The following NT5C3A variants were observed in gnomAD, a reference collection of about 807,000 sequenced individuals.
The protein encoded by NT5C3A is 5'-nucleotidase, cytosolic IIIA, also known as cytosolic 5'-nucleotidase 3A.
In NT5C3A, 23 loss-of-function variants were observed where a neutral mutation model predicts 40.0. The ratio of observed to expected loss-of-function variants is 0.58; its 90% CI spans 0.41 to 0.81. The LOEUF is 0.81. Ranked by LOEUF, NT5C3A falls within the 40% of genes least tolerant of loss-of-function variation. The probability of loss-of-function intolerance (pLI) is 0.00; values close to 1 mark genes in which losing one functional copy is unlikely to be tolerated. For missense variants in NT5C3A, 328 were observed against 403.0 expected (o/e 0.81, Z 1.59); for synonymous variants, 130 against 141.4 (o/e 0.92, Z 0.57).
chr7:33,048,682 G>C (rs1787250150), intron 1 of NT5C3A, among the ~76,000 whole-genome samples: 1 of 152,134 alleles, frequency 6.6e-6, no homozygotes, highest in African/African-American at 2.4e-5. Flanking sequence ...AGACCCCCGG[G>C]TCACTTTAAT....
intron 1 of NT5C3A, among the ~76,000 whole-genome samples, chr7:33,056,945 G>A (rs962571919): frequency 3.3e-5 from 5 of 151,992 alleles, no homozygotes; most frequent in Non-Finnish European, 7.4e-5. Context: ...CCGAGTAGCT[G>A]GGATTACAGG....
intron 7 of NT5C3A, among the ~76,000 whole-genome samples, chr7:33,016,173 C>T (rs1002041333): frequency 1.3e-5 from 2 of 150,366 alleles, no homozygotes; most frequent in Admixed American, 6.6e-5. Flanking sequence ...GTCAGGAGTT[C>T]GAGACCAGAC....
Position 33,061,506 on chromosome 7 carries a change from C to A in NT5C3A, c.138+1062G>T, listed in dbSNP as rs183183150. Among the ~76,000 whole-genome samples the A allele has an allele frequency of 3.7e-3, 566 of 152,254 alleles. 1 individual carries two copies. The highest frequency in any genetic ancestry group is 6.8e-3 in the Non-Finnish European group (461 of 68,014). On this transcript the variant is annotated intron_variant, in intron 1 of 8. Coordinates refer to ENST00000610140, the MANE Select transcript of NT5C3A (RefSeq NM_001002010.5). ...CAGACTCCAGTGATCTTCCTCTCAG[C>A]CTCCCAAATAGCTGGGACACTGGCT... is the stretch of plus-strand genomic sequence containing the variant.
intron 5 of NT5C3A, among the ~76,000 whole-genome samples, chr7:33,019,945 C>T (rs1196209088): frequency 6.6e-6 from 1 of 152,154 alleles, no homozygotes; most frequent in East Asian, 1.9e-4. Context: ...CCAGACTTAG[C>T]TTAAATATGT....
intron 2 of NT5C3A, among the ~76,000 whole-genome samples, chr7:33,024,430 T>C (rs1785805237): frequency 1.3e-5 from 2 of 151,914 alleles, no homozygotes; most frequent in Admixed American, 6.6e-5. Context: ...GAGGTCATTA[T>C]CTTAAGTGAA....
chr7:33,037,517 T>C (rs769384689), intron 1 of NT5C3A, among the ~76,000 whole-genome samples: 16 of 152,218 alleles, frequency 1.1e-4, no homozygotes, highest in Non-Finnish European at 1.5e-4. Context: ...TAGATCTGTG[T>C]TCTTTATAAT....
rs946782902 is a variant in NT5C3A at position 33,036,049 on chromosome 7, T to A, written c.139-9134A>T. ...AAAAAAAAAGTACACGTGACATACA[T>A]AAATTTCAGGTTCTTCCTGTTATGC... On this transcript the variant is annotated intron_variant, in intron 1 of 8. Coordinates refer to ENST00000610140, the MANE Select transcript of NT5C3A (RefSeq NM_001002010.5). The A allele has an allele frequency of 5.3e-6, 7 of 1,317,954 alleles. No homozygotes were observed. In the East Asian group the frequency reaches 1.6e-4, roughly 30 times the overall value. The allele number at this position is 1,317,954 out of a possible 1,614,324, so 81.6% of individuals were successfully genotyped here.
At chr7:33,040,560 T>TA (rs753691168) in intron 1 of NT5C3A, among the ~76,000 whole-genome samples, 2 of 152,218 alleles carry the variant, frequency 1.3e-5, no homozygotes, top group Non-Finnish European at 2.9e-5. Flanking sequence ...AATTGAATCT[T>TA]AGAGTGTTTC....
chr7:33,017,414 A>C, intron 7 of NT5C3A, 25 bp downstream of exon 7: 1 of 1,523,066 alleles, frequency 6.6e-7, no homozygotes, highest in Non-Finnish European at 9.1e-7. Flanking sequence ...TTTTAAAATT[A>C]TGAAGAACGA....
intron 2 of NT5C3A, among the ~76,000 whole-genome samples, chr7:33,025,171 T>C (rs1278173776): frequency 6.6e-6 from 1 of 152,038 alleles, no homozygotes; most frequent in African/African-American, 2.4e-5. Context: ...TAAATAAAAA[T>C]AAATAAAAAT....
chr7:33,016,480 C>A (rs1377861208), intron 7 of NT5C3A, among the ~76,000 whole-genome samples: 1 of 150,732 alleles, frequency 6.6e-6, no homozygotes, highest in Non-Finnish European at 1.5e-5. Flanking sequence ...ACCATCCTGA[C>A]CAACATGGTG....
At position 33,015,867 on chromosome 7, in the gene NT5C3A, C is replaced by A. The variant is rs367937057; in HGVS notation, c.697G>T (p.Val233Leu). 2.4e-5 allele frequency: 38 copies of A among 1,597,442 alleles called. No homozygotes were observed. Among genetic ancestry groups the A allele is most frequent in the Non-Finnish European group, 3.2e-5 (37 of 1,165,064 alleles). ...SNFMDFDETG[V>L]LKGFKGELIH... The stretch of plus-strand genomic sequence containing the variant: ...AGTTCTCCTTTAAATCCTTTGAGCA[C>A]CCCCTATGAAAAATATAAATCTTTT... The change falls in exon 8 of 9, where the codon GTG becomes TTG. Residue 233 changes from valine (V) to leucine (L), a missense_variant. Physicochemically the swap from Val to Leu is conservative, Grantham distance 32. Transcript: ENST00000610140.
rs1393924743 is a variant in NT5C3A, at chr7:33,062,474, C to G, written c.138+94G>C. On this transcript the variant is annotated intron_variant, in intron 1 of 8. Coordinates refer to ENST00000610140, the MANE Select transcript of NT5C3A (RefSeq NM_001002010.5). ...AGGCGACGCCGGCAGCTCCCCGTCGCGACCGAACAGCGGCCCAGCACAGGC... is the reference window on the plus strand; with the variant it reads ...AGGCGACGCCGGCAGCTCCCCGTCGGGACCGAACAGCGGCCCAGCACAGGC... The G allele has an allele frequency of 5.1e-6, 6 of 1,184,214 alleles. No individual in the cohort carries two copies. The East Asian group carries it at 1.6e-4, about 31-fold the overall frequency. 73.4% of individuals were successfully genotyped at this position (1,184,214 alleles called of 1,614,324 possible).
At chr7:33,058,630 C>A (rs1006650028) in intron 1 of NT5C3A, among the ~76,000 whole-genome samples, 5 of 152,186 alleles carry the variant, frequency 3.3e-5, no homozygotes, top group African/African-American at 1.2e-4. Flanking sequence ...GGATTACAGG[C>A]GGGAGCCGCC....
chr7:33,051,787 A>C (rs777088460), intron 1 of NT5C3A, among the ~76,000 whole-genome samples: 31 of 152,206 alleles, frequency 2.0e-4, no homozygotes, highest in Non-Finnish European at 4.1e-4. Flanking sequence ...AGATGGTATC[A>C]CTTATTTTAA....
chr7:33,061,073 A>C (rs941074003), intron 1 of NT5C3A, among the ~76,000 whole-genome samples: 2 of 152,194 alleles, frequency 1.3e-5, no homozygotes, highest in Non-Finnish European at 2.9e-5. Context: ...TTGTGAACAC[A>C]CTGATTTTTA....
chr7:33,036,108 CTT>C (rs1274737215), intron 1 of NT5C3A: 1 of 770,806 alleles, frequency 1.3e-6, no homozygotes, highest in Admixed American at 2.1e-5. Flanking sequence ...TTTGGTATGA[CTT>C]ATTTATTTTG....
At chr7:33,023,781 A>G (rs182716862) in intron 3 of NT5C3A, 6 of 445,626 alleles carry the variant, frequency 1.3e-5, no homozygotes, top group African/African-American at 7.9e-5. Context: ...TATTTCTTGA[A>G]TAATGAATAG....
chr7:33,014,926 G>A, intron 8 of NT5C3A, 95 bp from the exon 9 acceptor site: 1 of 1,042,232 alleles, frequency 9.6e-7, no homozygotes, highest in Non-Finnish European at 1.4e-6. Context: ...TGGGCAAAAT[G>A]CAATAAATTA....
Sources: allele counts gnomAD v4.1 joint callset (sites outside exome capture counted in the v4.1 genomes callset), GRCh38; gene constraint gnomAD v4.1.1; transcripts MANE v1.5; gene names NCBI Gene and HGNC (gene_info 2026-07-23, HGNC 2026-07-21).